Variants in DLGAP4 observed in about 807,000 individuals in gnomAD.
DLGAP4 encodes DLG associated protein 4, also known as disks large-associated protein 4.
DLGAP4 carries 18 observed loss-of-function variants against 86.9 expected under a neutral mutation model. The ratio of observed to expected loss-of-function variants is 0.21; its 90% CI spans 0.14 to 0.31. DLGAP4 has a LOEUF of 0.31. DLGAP4 is among the 10% of genes least tolerant of loss of function. DLGAP4 has a pLI of 1.00. For missense variants in DLGAP4, 1,085 were observed against 1,362.6 expected (o/e 0.80, Z 3.21); for synonymous variants, 548 against 574.3 (o/e 0.95, Z 0.65).
chr20:36,374,107 C>T (rs1014041314), intron 2 of DLGAP4, among the ~76,000 whole-genome samples: 3 of 151,772 alleles, frequency 2.0e-5, no homozygotes, highest in East Asian at 1.9e-4. Flanking sequence ...CTCACTGAGG[C>T]AGCCTTCGAC....
chr20:36,379,402 A>G (rs2031288419), intron 2 of DLGAP4, among the ~76,000 whole-genome samples: 1 of 152,124 alleles, frequency 6.6e-6, no homozygotes. Flanking sequence ...ATGCTGTTGG[A>G]GCAGTTGGGG....
chr20:36,395,459 C>T (rs1359300377), intron 2 of DLGAP4, among the ~76,000 whole-genome samples: 1 of 152,100 alleles, frequency 6.6e-6, no homozygotes, highest in African/African-American at 2.4e-5. Context: ...GCCTGGCCCT[C>T]AGCGGTCAGC....
At chr20:36,521,974 C>T (rs771864604) in intron 10 of DLGAP4, among the ~76,000 whole-genome samples, 3 of 152,104 alleles carry the variant, frequency 2.0e-5, no homozygotes, top group Non-Finnish European at 4.4e-5. Flanking sequence ...AGAGACGGGC[C>T]AGGACTGTGT....
At chr20:36,321,648 C>T (rs1453202863) in intron 1 of DLGAP4, among the ~76,000 whole-genome samples, 4 of 152,218 alleles carry the variant, frequency 2.6e-5, no homozygotes, top group Admixed American at 2.0e-4. Context: ...GTGACCTTCT[C>T]ACTCCTACTT....
chr20:36,391,354 G>T (rs1260694846), intron 2 of DLGAP4, among the ~76,000 whole-genome samples: 2 of 152,204 alleles, frequency 1.3e-5, no homozygotes, highest in African/African-American at 4.8e-5. Flanking sequence ...GATCTGTGGT[G>T]AGGGCTGAGA....
chr20:36,514,148 A>C (rs1425359817), intron 10 of DLGAP4, among the ~76,000 whole-genome samples: 2 of 116,746 alleles, frequency 1.7e-5, no homozygotes, highest in Non-Finnish European at 3.2e-5. Context: ...AGCCACCTGA[A>C]CAACGTTCTC....
intron 1 of DLGAP4, among the ~76,000 whole-genome samples, chr20:36,342,917 T>C (rs952803061): frequency 6.6e-6 from 1 of 151,956 alleles, no homozygotes; most frequent in African/African-American, 2.4e-5. Context: ...GGAGGTGAGC[T>C]GGTGGTGGGA....
chr20:36,386,258 G>A (rs2031592800), intron 2 of DLGAP4, among the ~76,000 whole-genome samples: 2 of 152,134 alleles, frequency 1.3e-5, no homozygotes, highest in Non-Finnish European at 2.9e-5. Flanking sequence ...TCATTCTGGG[G>A]CTCAAATCAT....
intron 7 of DLGAP4, among the ~76,000 whole-genome samples, chr20:36,456,727 C>T (rs971694147): frequency 2.6e-5 from 4 of 152,190 alleles, no homozygotes; most frequent in Admixed American, 6.5e-5. Flanking sequence ...TTTAGCAGAT[C>T]CACTCAGCCT....
intron 1 of DLGAP4, among the ~76,000 whole-genome samples, chr20:36,366,765 C>G (rs1201454024): frequency 6.6e-6 from 1 of 152,184 alleles, no homozygotes; most frequent in Non-Finnish European, 1.5e-5. Flanking sequence ...GACTTTGGAA[C>G]CCAGCTTCCC....
chr20:36,388,786 C>T (rs1600470045), intron 2 of DLGAP4, among the ~76,000 whole-genome samples: 1 of 152,196 alleles, frequency 6.6e-6, no homozygotes, highest in Non-Finnish European at 1.5e-5. Flanking sequence ...GAAGTGATAG[C>T]TGTTCACACT....
intron 1 of DLGAP4, among the ~76,000 whole-genome samples, chr20:36,315,440 G>A (rs967957478): frequency 2.9e-3 from 1 of 346 alleles, no homozygotes; most frequent in Non-Finnish European, 5.1e-3. Flanking sequence ...GGCTGGCTGC[G>A]TGGGCTTCAT....
chr20:36,321,811 C>A (rs898551767), intron 1 of DLGAP4, among the ~76,000 whole-genome samples: 1 of 152,192 alleles, frequency 6.6e-6, no homozygotes, highest in African/African-American at 2.4e-5. Context: ...GCAGATAAAA[C>A]CCAAAGTATA....
chr20:36,374,683 T>C (rs2031082898), intron 2 of DLGAP4, among the ~76,000 whole-genome samples: 1 of 152,218 alleles, frequency 6.6e-6, no homozygotes, highest in Non-Finnish European at 1.5e-5. Flanking sequence ...GAGCCTTAGA[T>C]ATCTAATGGT....
intron 1 of DLGAP4, among the ~76,000 whole-genome samples, chr20:36,315,021 TG>T (rs1481493499): frequency 0.99 from 140,514 of 141,390 alleles, 69,819 homozygotes; most frequent in Non-Finnish European, 0.99. Context: ...GCGTGTGTGG[TG>T]GTGTGAGATG....
chr20:36,499,172 T>G, intron 8 of DLGAP4: 3 of 1,286,178 alleles, frequency 2.3e-6, no homozygotes, highest in Non-Finnish European at 3.2e-6. Context: ...GGCTGTGGCT[T>G]TGTGTGTGTG....
In DLGAP4 at chr20:36,393,875, CT is replaced by C. The variant is rs2031861890; in HGVS notation, c.-73+26601del. ...ACCCTAGCCTGTGTCTCGGCCAGCC[CT>C]GAGGCAGCTGAGGAGGGGGCTCAGG... On this transcript the variant is annotated intron_variant, in intron 2 of 12. Coordinates refer to ENST00000339266, the MANE Select transcript of DLGAP4 (RefSeq NM_001365621.2). This position sits in a 1 kb window ranked among gnomAD's most constrained non-coding sequence, Gnocchi z 4.4. Among the ~76,000 whole-genome samples, 1 of 152,136 alleles carries C rather than the reference CT, an allele frequency of 6.6e-6. No individual in the cohort carries two copies. The highest frequency in any genetic ancestry group is 2.4e-5 in the African/African-American group (1 of 41,412).
chr20:36,494,073 T>G (rs2035779841), intron 7 of DLGAP4, among the ~76,000 whole-genome samples: 1 of 152,166 alleles, frequency 6.6e-6, no homozygotes, highest in Non-Finnish European at 1.5e-5. Flanking sequence ...GAGGTAGCTG[T>G]CCTTCTGCCT....
intron 7 of DLGAP4, among the ~76,000 whole-genome samples, chr20:36,469,935 C>G (rs1422510444): frequency 1.3e-5 from 2 of 152,092 alleles, no homozygotes; most frequent in African/African-American, 4.8e-5. Flanking sequence ...TTTGATTACA[C>G]TCTGCACAGG....
Sources: allele counts gnomAD v4.1 joint callset (sites outside exome capture counted in the v4.1 genomes callset), GRCh38; gene constraint gnomAD v4.1.1; non-coding constraint Gnocchi (gnomAD v3.1); transcripts MANE v1.5; gene names NCBI Gene and HGNC (gene_info 2026-07-23, HGNC 2026-07-21).